Variants in RIMS1 observed in about 807,000 individuals in gnomAD.
RIMS1 encodes the protein regulating synaptic membrane exocytosis 1, also known as regulating synaptic membrane exocytosis protein 1.
A neutral mutation model predicts 214.1 loss-of-function variants in RIMS1; 83 were observed. That is an observed-to-expected ratio of 0.39 (90% CI 0.32 to 0.47). RIMS1 has a LOEUF of 0.47. Among genes scored for constraint, RIMS1 ranks in the 20% least tolerant of loss-of-function variants. RIMS1 has a pLI of 0.99. For synonymous variants in RIMS1, 793 were observed against 786.8 expected (o/e 1.01, Z -0.13); for missense variants, 2,050 against 2,161.8 (o/e 0.95, Z 1.03).
At chr6:72,129,491 G>C (rs72936923) in intron 4 of RIMS1, among the ~76,000 whole-genome samples, 2 of 152,066 alleles carry the variant, frequency 1.3e-5, no homozygotes, top group Non-Finnish European at 2.9e-5. Flanking sequence ...AAGAACAACA[G>C]TATTACCCAA....
chr6:71,907,107 T>C (rs1775468725), intron 1 of RIMS1, among the ~76,000 whole-genome samples: 1 of 152,194 alleles, frequency 6.6e-6, no homozygotes, highest in Non-Finnish European at 1.5e-5. Context: ...AGTTGGGTGC[T>C]TTCTTTTGAA....
chr6:72,396,900 C>G (rs2098785185), intron 31 of RIMS1, among the ~76,000 whole-genome samples: 1 of 152,106 alleles, frequency 6.6e-6, no homozygotes, highest in Non-Finnish European at 1.5e-5. Flanking sequence ...GTAGTCCCAG[C>G]TACTCAGGAG....
intron 2 of RIMS1, among the ~76,000 whole-genome samples, chr6:72,076,757 T>TA (rs200147494): frequency 0.017 from 2,564 of 152,196 alleles, 72 homozygotes; most frequent in African/African-American, 0.048. Flanking sequence ...TGTGAGGGCT[T>TA]AAAAAAATCC....
chr6:71,995,045 C>T (rs1802960446), intron 2 of RIMS1, among the ~76,000 whole-genome samples: 1 of 152,020 alleles, frequency 6.6e-6, no homozygotes, highest in Non-Finnish European at 1.5e-5. Flanking sequence ...AAGCTAGCAT[C>T]ACAGAATTCT....
At chr6:72,376,867 A>AACAG (rs1033064046) in intron 29 of RIMS1, among the ~76,000 whole-genome samples, 2 of 152,190 alleles carry the variant, frequency 1.3e-5, no homozygotes, top group Admixed American at 6.5e-5. Context: ...AAAATTATGC[A>AACAG]ACAGACTTGT....
intron 6 of RIMS1, among the ~76,000 whole-genome samples, chr6:72,193,011 T>G (rs751734222): frequency 2.0e-5 from 3 of 152,340 alleles, no homozygotes; most frequent in Admixed American, 2.0e-4. Flanking sequence ...CATCACAATA[T>G]GTATATTCTC....
intron 6 of RIMS1, among the ~76,000 whole-genome samples, chr6:72,222,190 A>G (rs1278809739): frequency 6.6e-6 from 1 of 152,056 alleles, no homozygotes; most frequent in Admixed American, 6.6e-5. Flanking sequence ...TGAATAGTTT[A>G]TCAGTGCTAA....
chr6:71,905,186 T>A (rs529594363), intron 1 of RIMS1, among the ~76,000 whole-genome samples: 95 of 152,188 alleles, frequency 6.2e-4, no homozygotes, highest in African/African-American at 2.2e-3. Flanking sequence ...CTTTTTTTTT[T>A]TATATGGGAA....
At chr6:71,891,167 TA>T in intron 1 of RIMS1, among the ~76,000 whole-genome samples, 1 of 152,268 alleles carries the variant, frequency 6.6e-6, no homozygotes, top group South Asian at 2.1e-4. Flanking sequence ...TAGAAGGTAA[TA>T]AAAAGCATCA....
At chr6:72,044,885 G>T (rs1299085647) in intron 2 of RIMS1, among the ~76,000 whole-genome samples, 1 of 151,882 alleles carries the variant, frequency 6.6e-6, no homozygotes, top group East Asian at 1.9e-4. Flanking sequence ...ACTCACATGT[G>T]CACACAGATA....
intron 6 of RIMS1, chr6:72,217,226 C>A: frequency 6.5e-7 from 1 of 1,536,268 alleles, no homozygotes; most frequent in Non-Finnish European, 8.7e-7. Context: ...CTACTTCATA[C>A]ATTGCACTCA....
At chr6:72,086,505 GC>G (rs1182742639) in intron 2 of RIMS1, among the ~76,000 whole-genome samples, 5 of 152,250 alleles carry the variant, frequency 3.3e-5, no homozygotes, top group African/African-American at 1.2e-4. Context: ...CTATGCATAT[GC>G]CTGACACCTG....
chr6:71,911,058 C>CTTGAGTA (rs1401089643), intron 1 of RIMS1, among the ~76,000 whole-genome samples: 2 of 152,148 alleles, frequency 1.3e-5, no homozygotes, highest in African/African-American at 4.8e-5. Flanking sequence ...GAAGGTGCCA[C>CTTGAGTA]TTGAGTATTG....
intron 2 of RIMS1, among the ~76,000 whole-genome samples, chr6:71,982,248 G>A (rs1430649501): frequency 6.6e-6 from 1 of 152,062 alleles, no homozygotes; most frequent in Admixed American, 6.6e-5. Context: ...ATTTTACTAT[G>A]AGACCTTGTT....
intron 29 of RIMS1, among the ~76,000 whole-genome samples, chr6:72,335,461 AC>A (rs1404799814): frequency 6.6e-6 from 1 of 151,656 alleles, no homozygotes; most frequent in African/African-American, 2.4e-5. Flanking sequence ...CATTTTCTTT[AC>A]CTAGTCTCAT....
At chr6:72,258,348 G>T (rs1053812621) in intron 17 of RIMS1, 67 bp downstream of exon 17, 19 of 1,362,264 alleles carry the variant, frequency 1.4e-5, no homozygotes, top group Middle Eastern at 1.9e-4. Flanking sequence ...GTAAATTGCT[G>T]CAAAACTAAC....
intron 2 of RIMS1, among the ~76,000 whole-genome samples, chr6:72,062,150 T>A (rs1586025714): frequency 6.6e-6 from 1 of 151,552 alleles, no homozygotes; most frequent in East Asian, 1.9e-4. Flanking sequence ...GATTTAGGGG[T>A]TTTTTCTATT....
At chr6:72,070,038 C>A (rs184696619) in intron 2 of RIMS1, among the ~76,000 whole-genome samples, 25 of 152,248 alleles carry the variant, frequency 1.6e-4, no homozygotes, top group African/African-American at 6.0e-4. Flanking sequence ...GCTTATCATA[C>A]CTTCCCAATT....
At chr6:72,196,373 G>A (rs866480448) in intron 6 of RIMS1, among the ~76,000 whole-genome samples, 16 of 102,356 alleles carry the variant, frequency 1.6e-4, no homozygotes, top group African/African-American at 5.3e-4. Context: ...CTGTCTGTCT[G>A]TCTGTCTATC....
Sources: allele counts gnomAD v4.1 joint callset (sites outside exome capture counted in the v4.1 genomes callset), GRCh38; gene constraint gnomAD v4.1.1; transcripts MANE v1.5; gene names NCBI Gene and HGNC (gene_info 2026-07-23, HGNC 2026-07-21).